Variants in METTL9 observed in about 807,000 individuals in gnomAD.
METTL9 encodes protein-L-histidine N-pros-methyltransferase.
METTL9 carries 10 observed loss-of-function variants against 36.0 expected under a neutral mutation model. The ratio of observed to expected loss-of-function variants is 0.28; its 90% CI spans 0.17 to 0.47. The LOEUF is 0.47. Ranked by LOEUF, METTL9 falls within the 20% of genes least tolerant of loss-of-function variation. The pLI, the probability that METTL9 is intolerant of heterozygous loss-of-function variation, is 0.99. For synonymous variants in METTL9, 175 were observed against 149.7 expected, an observed-to-expected ratio of 1.17 and a Z score of -1.23; for missense variants, 246 against 383.5, an observed-to-expected ratio of 0.64 and a Z score of 3.00.
In METTL9 at chr16:21,610,508, A is replaced by G. The variant is rs144874390; in HGVS notation, c.166-2137A>G. On this transcript the variant is annotated intron_variant, in intron 1 of 4. Coordinates refer to ENST00000358154, the MANE Select transcript of METTL9 (RefSeq NM_016025.5). ...ATACGTTTCACCTTTCTTTTTAAAG[A>G]GAAGAGCTTTGCTCTATTTTTGTTC... Among the ~76,000 whole-genome samples, 601 of 152,364 alleles carry G rather than the reference A, an allele frequency of 3.9e-3. 2 individuals carry two copies. Among genetic ancestry groups the G allele is most frequent in the South Asian group, 0.014 (68 of 4,834 alleles).
intron 4 of METTL9, among the ~76,000 whole-genome samples, chr16:21,648,767 C>A (rs1966492711): frequency 6.6e-6 from 1 of 152,186 alleles, no homozygotes. Context: ...TGAGTTCCGC[C>A]TGGTCATATA....
intron 4 of METTL9, among the ~76,000 whole-genome samples, chr16:21,638,067 T>A (rs1966151150): frequency 6.6e-6 from 1 of 152,190 alleles, no homozygotes; most frequent in Non-Finnish European, 1.5e-5. Context: ...CCTGTAATCC[T>A]AGCATTTTGG....
intron 4 of METTL9, among the ~76,000 whole-genome samples, chr16:21,651,416 T>TCCC (rs1208947095): frequency 1.3e-5 from 2 of 152,034 alleles, no homozygotes; most frequent in Non-Finnish European, 2.9e-5. Context: ...TGCCTCAGCC[T>TCCC]CCCAGGTGGG....
At position 21,655,492 on chromosome 16, in the gene METTL9, G is replaced by T. The variant is rs1966685082; in HGVS notation, c.*60G>T. ...CTCCGGGATGTGCCCTTGGAAGAGG[G>T]TCTGTGTTCACAATTACGTGAAGGG... On this transcript the variant is annotated 3_prime_UTR_variant, in exon 5 of 5. Transcript: ENST00000358154. The T allele has an allele frequency of 2.1e-6, 3 of 1,444,918 alleles. No homozygotes were observed. The South Asian group carries it at 3.7e-5, about 18-fold the overall frequency. The allele number at this position is 1,444,918 out of a possible 1,614,324, so 89.5% of individuals were successfully genotyped here.
chr16:21,647,027 T>C (rs1452328297), intron 4 of METTL9: 2 of 1,468,926 alleles, frequency 1.4e-6, no homozygotes. Flanking sequence ...GCTAGGGTAT[T>C]AACTTAGCAA....
chr16:21,643,240 T>C, intron 4 of METTL9: 1 of 1,005,136 alleles, frequency 9.9e-7, no homozygotes, highest in Admixed American at 1.9e-5. Context: ...TCTTGCTCTA[T>C]TGCCACCGGT....
intron 1 of METTL9, among the ~76,000 whole-genome samples, chr16:21,609,352 T>C (rs9921086): frequency 0.042 from 6,366 of 152,160 alleles, 422 homozygotes; most frequent in African/African-American, 0.15. Context: ...CCATTCATTT[T>C]CTCTGCCTTT....
At chr16:21,624,288 G>C (rs148898577) in intron 3 of METTL9, among the ~76,000 whole-genome samples, 3 of 152,062 alleles carry the variant, frequency 2.0e-5, no homozygotes, top group Admixed American at 6.5e-5. Context: ...CTGGACTCTT[G>C]TTCATTAACT....
intron 4 of METTL9, chr16:21,646,312 C>T (rs909454966): frequency 2.0e-5 from 3 of 152,124 alleles, no homozygotes; most frequent in Admixed American, 1.3e-4. Context: ...CATCACTTTC[C>T]GTTCACTGAT....
intron 4 of METTL9, chr16:21,652,182 A>G (rs557717655): frequency 1.2e-5 from 2 of 172,010 alleles, no homozygotes; most frequent in Non-Finnish European, 1.2e-5. Flanking sequence ...CTTTGAAAAT[A>G]TTCAGCAAAT....
intron 1 of METTL9, among the ~76,000 whole-genome samples, chr16:21,606,951 CTTTT>C (rs1209053185): frequency 6.6e-6 from 1 of 152,080 alleles, no homozygotes; most frequent in Non-Finnish European, 1.5e-5. Context: ...TTCAGAAAAA[CTTTT>C]AACCATATTT....
chr16:21,647,107 A>C (rs1254219054), intron 4 of METTL9: 2 of 1,614,038 alleles, frequency 1.2e-6, no homozygotes, highest in Admixed American at 3.3e-5. Context: ...GCAATGATGC[A>C]CTGAAATAAA....
At chr16:21,641,659 G>A in intron 4 of METTL9, 6 of 992,442 alleles carry the variant, frequency 6.0e-6, no homozygotes, top group Non-Finnish European at 9.3e-6. Context: ...AACTGCCAAG[G>A]AACATGCAAA....
upstream of METTL9, chr16:21,599,553 G>T: frequency 1.6e-6 from 2 of 1,282,684 alleles, no homozygotes; most frequent in Non-Finnish European, 2.0e-6. This position sits in a 1 kb window ranked among gnomAD's most constrained non-coding sequence, Gnocchi z 4.4. Context: ...AGGGGGAGGT[G>T]CCGAGGCTGC....
chr16:21,635,258 G>T (rs1489456394), intron 4 of METTL9, among the ~76,000 whole-genome samples: 3 of 152,032 alleles, frequency 2.0e-5, no homozygotes, highest in Non-Finnish European at 4.4e-5. Context: ...ACTCAGGTTG[G>T]GCCAAATTCC....
chr16:21,606,269 G>A (rs1412206585), intron 1 of METTL9, among the ~76,000 whole-genome samples: 5 of 152,098 alleles, frequency 3.3e-5, no homozygotes, highest in Non-Finnish European at 7.4e-5. Flanking sequence ...CCGTGGAGGC[G>A]GAGGTTGCAG....
At chr16:21,646,158 C>CT (rs11415948) in intron 4 of METTL9, among the ~76,000 whole-genome samples, 115,308 of 150,512 alleles carry the variant, frequency 0.77, 44,461 homozygotes, top group African/African-American at 0.82. Flanking sequence ...GAAATTCCCC[C>CT]TTTTTTTTTC....
chr16:21,650,682 T>C (rs1966550214), intron 4 of METTL9, among the ~76,000 whole-genome samples: 1 of 152,128 alleles, frequency 6.6e-6, no homozygotes, highest in Non-Finnish European at 1.5e-5. Context: ...AGAAAACCAA[T>C]TGTAATGATT....
chr16:21,651,652 G>A (rs1421962054), intron 4 of METTL9, among the ~76,000 whole-genome samples: 1 of 152,116 alleles, frequency 6.6e-6, no homozygotes, highest in African/African-American at 2.4e-5. Flanking sequence ...AAGTAGCGAA[G>A]TAGTACAGTC....
Sources: gnomAD v4.1 joint callset for allele counts (sites outside exome capture counted in the v4.1 genomes callset) on GRCh38, gnomAD v4.1.1 for gene constraint, Gnocchi (gnomAD v3.1) non-coding constraint, MANE v1.5 for transcripts, NCBI Gene and HGNC (gene_info 2026-07-23, HGNC 2026-07-21) for gene names.